The following TBC1D31 variants were observed in gnomAD, a reference collection of about 807,000 sequenced individuals.
The protein encoded by TBC1D31 is TBC1 domain family member 31.
Under a neutral mutation model 132.9 loss-of-function variants are expected in TBC1D31, and 99 were observed. That is an observed-to-expected ratio of 0.74 (90% confidence interval 0.63 to 0.88). The LOEUF is 0.88. Ranked by LOEUF, TBC1D31 falls within the 40% of genes least tolerant of loss-of-function variation. TBC1D31 has a pLI of 0.00. For missense variants in TBC1D31, 1,134 were observed against 1,256.6 expected (o/e 0.90, Z 1.48); for synonymous variants, 385 against 419.4 (o/e 0.92, Z 1.00).
chr8:123,114,623 G>C (rs1048390066), intron 10 of TBC1D31, among the ~76,000 whole-genome samples: 5 of 152,198 alleles, frequency 3.3e-5, no homozygotes, highest in Middle Eastern at 3.4e-3. Flanking sequence ...CACCCGGCCT[G>C]TGATACAGTA....
rs35198781 is a variant in TBC1D31, at chr8:123,127,261, A to ATTTTTTTTTTTTTTTTTTTTT, written c.1884+580_1884+600dup. Among the ~76,000 whole-genome samples, 11 of 69,918 alleles carry ATTTTTTTTTTTTTTTTTTTTT rather than the reference A, an allele frequency of 1.6e-4. 2 individuals carry two copies. Among genetic ancestry groups the ATTTTTTTTTTTTTTTTTTTTT allele is most frequent in the African/African-American group, 6.7e-4 (11 of 16,366 alleles). 45.9% of individuals were successfully genotyped at this position (69,918 alleles called of 152,430 possible). A position where few individuals can be genotyped will look rare whatever the true frequency, so the allele number is the denominator to read the frequency against. ...TAATATTGGGGTTTGTGCTTTTTGCATTTTTTTTTTTTTTTTTTTTTTTTT... is the reference window on the plus strand; with the variant it reads ...TAATATTGGGGTTTGTGCTTTTTGCATTTTTTTTTTTTTTTTTTTTTTTTTTTTTTTTTTTTTTTTTTTTTT... On this transcript the variant is annotated intron_variant, in intron 13 of 21. Coordinates refer to ENST00000287380, the MANE Select transcript of TBC1D31 (RefSeq NM_145647.4).
intron 17 of TBC1D31, among the ~76,000 whole-genome samples, chr8:123,135,710 C>CACCT (rs1253341341): frequency 6.6e-6 from 1 of 152,218 alleles, no homozygotes; most frequent in Non-Finnish European, 1.5e-5. Context: ...CATCCATTTA[C>CACCT]ACCTATAACA....
chr8:123,094,534 T>C (rs1751106872), intron 5 of TBC1D31, among the ~76,000 whole-genome samples: 1 of 151,534 alleles, frequency 6.6e-6, no homozygotes, highest in Non-Finnish European at 1.5e-5. Flanking sequence ...TTTATTTATT[T>C]ATTTATTTAT....
intron 19 of TBC1D31, 41 bp downstream of exon 19, chr8:123,142,497 A>T: frequency 2.3e-5 from 26 of 1,112,218 alleles, no homozygotes; most frequent in Non-Finnish European, 2.7e-5. Context: ...TCAAGCATTG[A>T]TTTTTTTTTT....
intron 18 of TBC1D31, among the ~76,000 whole-genome samples, chr8:123,141,696 A>G (rs1821694876): frequency 6.6e-6 from 1 of 151,952 alleles, no homozygotes; most frequent in Non-Finnish European, 1.5e-5. Context: ...ATTTTTTTTT[A>G]ATAGGCTTGT....
At chr8:123,144,926 A>AC in intron 20 of TBC1D31, 71 bp downstream of exon 20, 1 of 1,142,254 alleles carries the variant, frequency 8.8e-7, no homozygotes, top group Non-Finnish European at 1.2e-6. Context: ...TATTATTATG[A>AC]TTTTTTTTTT....
chr8:123,095,158 T>A (rs142600435), intron 5 of TBC1D31, among the ~76,000 whole-genome samples: 338 of 152,314 alleles, frequency 2.2e-3, no homozygotes, highest in African/African-American at 7.2e-3. Context: ...ATACCTGTAT[T>A]TTCTAAAAAC....
At chr8:123,076,086 T>A (rs986506195) in intron 1 of TBC1D31, among the ~76,000 whole-genome samples, 5 of 152,170 alleles carry the variant, frequency 3.3e-5, no homozygotes, top group Non-Finnish European at 5.9e-5. Flanking sequence ...TATTCATCTT[T>A]TTTTCCCTAT....
intron 7 of TBC1D31, among the ~76,000 whole-genome samples, chr8:123,104,403 G>A (rs984927183): frequency 6.6e-6 from 1 of 152,016 alleles, no homozygotes; most frequent in African/African-American, 2.4e-5. Context: ...TAGAAGAATG[G>A]ATTGAAGTCA....
chr8:123,075,029 A>G (rs1814354231), intron 1 of TBC1D31: 1 of 152,260 alleles, frequency 6.6e-6, no homozygotes. Flanking sequence ...GATTACATCT[A>G]CATGGTAGGA....
At chr8:123,123,252 G>A (rs899926207) in intron 11 of TBC1D31, 1 of 152,436 alleles carries the variant, frequency 6.6e-6, no homozygotes, top group Non-Finnish European at 1.5e-5. Flanking sequence ...GAAATGGCAG[G>A]CCACGTCTGC....
At position 123,152,040 on chromosome 8, in the gene TBC1D31, T is replaced by C. The variant is rs763763437; in HGVS notation, c.*101T>C. On this transcript the variant is annotated 3_prime_UTR_variant, in exon 22 of 22. Transcript: ENST00000287380. Reference sequence around the variant, plus strand: ...TTAAAATTCCTATAAAGATCAGCCCTTTGTACAGAAAAATGTGTCTATAAA... The same window carrying C: ...TTAAAATTCCTATAAAGATCAGCCCCTTGTACAGAAAAATGTGTCTATAAA... The C allele has an allele frequency of 4.5e-5, 52 of 1,161,550 alleles. 2 individuals are homozygous for C. In the Middle Eastern group the frequency reaches 8.7e-3, roughly 194 times the overall value. 72.0% of individuals were successfully genotyped at this position (1,161,550 alleles called of 1,614,324 possible).
At chr8:123,145,871 C>CTTTTTTTTTTTTT (rs57816964) in intron 20 of TBC1D31, among the ~76,000 whole-genome samples, 2 of 133,516 alleles carry the variant, frequency 1.5e-5, no homozygotes, top group Admixed American at 7.6e-5. Flanking sequence ...TTCTCTTTTT[C>CTTTTTTTTTTTTT]TTTTTTTTTT....
At chr8:123,097,603 C>G (rs1816951814) in intron 6 of TBC1D31, 162 bp downstream of exon 6, 1 of 757,996 alleles carries the variant, frequency 1.3e-6, no homozygotes, top group African/African-American at 1.8e-5. Context: ...AAAAAAATTT[C>G]AAAATCTTGT....
intron 8 of TBC1D31, among the ~76,000 whole-genome samples, chr8:123,108,071 T>A (rs185127109): frequency 6.6e-6 from 1 of 152,352 alleles, no homozygotes; most frequent in Admixed American, 6.5e-5. Flanking sequence ...GTATCTTCAT[T>A]CACCATCATC....
At chr8:123,154,506 C>T (rs1822937593), downstream of TBC1D31, among the ~76,000 whole-genome samples, 1 of 152,156 alleles carries the variant, frequency 6.6e-6, no homozygotes, top group Admixed American at 6.5e-5. Context: ...GGAAACAAAT[C>T]TGGGCACAGA....
At chr8:123,161,949 C>A in the TBC1D31 span, among the ~76,000 whole-genome samples, 2 of 131,796 alleles carry the variant, frequency 1.5e-5, no homozygotes, top group South Asian at 5.0e-4. Flanking sequence ...ACCCGAGAGG[C>A]GGAGGTTGCA....
chr8:123,111,326 A>AG (rs1818412389), intron 10 of TBC1D31, among the ~76,000 whole-genome samples: 2 of 152,202 alleles, frequency 1.3e-5, no homozygotes. Context: ...CCAAAGAAAA[A>AG]GTTCTTAGGA....
the TBC1D31 span, among the ~76,000 whole-genome samples, chr8:123,157,306 T>G: frequency 7.9e-5 from 12 of 152,302 alleles, no homozygotes; most frequent in African/African-American, 2.6e-4. Flanking sequence ...ACGAGGCACC[T>G]AGTAAGGGTT....
Sources: allele counts gnomAD v4.1 joint callset (sites outside exome capture counted in the v4.1 genomes callset), GRCh38; gene constraint gnomAD v4.1.1; transcripts MANE v1.5; gene names NCBI Gene and HGNC (gene_info 2026-07-23, HGNC 2026-07-21).